The following DNAJB6 variants were observed in gnomAD, a reference collection of about 807,000 sequenced individuals.
DNAJB6 encodes dnaJ homolog subfamily B member 6.
Under a neutral mutation model 42.7 loss-of-function variants are expected in DNAJB6, and 16 were observed. That is an observed-to-expected ratio of 0.37 (90% CI 0.25 to 0.57). DNAJB6 has a LOEUF of 0.57. Among genes scored for constraint, DNAJB6 ranks in the 20% least tolerant of loss-of-function variants. The probability of loss-of-function intolerance (pLI) is 0.74; values close to 1 mark genes in which losing one functional copy is unlikely to be tolerated. For missense variants in DNAJB6, 347 were observed against 416.8 expected, an observed-to-expected ratio of 0.83 and a Z score of 1.46; for synonymous variants, 170 against 163.5, an observed-to-expected ratio of 1.04 and a Z score of -0.30.
intron 1 of DNAJB6, among the ~76,000 whole-genome samples, chr7:157,340,798 A>G (rs1798321641): frequency 6.6e-6 from 1 of 151,866 alleles, no homozygotes; most frequent in South Asian, 2.1e-4. Flanking sequence ...CCTGCCAGGT[A>G]GCTGGGATGA....
intron 8 of DNAJB6, among the ~76,000 whole-genome samples, chr7:157,396,243 C>T (rs1203483006): frequency 6.6e-6 from 1 of 152,222 alleles, no homozygotes; most frequent in Non-Finnish European, 1.5e-5. Flanking sequence ...GCCACTGTGC[C>T]TGGCCCCATG....
chr7:157,340,066 C>G (rs1485964762), intron 1 of DNAJB6: 1 of 152,204 alleles, frequency 6.6e-6, no homozygotes, highest in Non-Finnish European at 1.5e-5. Flanking sequence ...AGGTCAGCTT[C>G]TATATTGGTT....
intron 1 of DNAJB6, among the ~76,000 whole-genome samples, chr7:157,344,828 G>C (rs1244076461): frequency 6.6e-6 from 1 of 152,060 alleles, no homozygotes. Flanking sequence ...ACTCAGCGTG[G>C]TCTTGAACTC....
rs1239584058 is a variant in DNAJB6 at position 157,371,457 on chromosome 7, G to A, written c.346+3974G>A. Reference sequence around the variant, plus strand: ...GGTCTGTGCCTGAGCACCAGGCAGTGCTCACTGTCACACTGTGGCCAAGGA... The same window carrying A: ...GGTCTGTGCCTGAGCACCAGGCAGTACTCACTGTCACACTGTGGCCAAGGA... On this transcript the variant is annotated intron_variant, in intron 5 of 9. Transcript: ENST00000262177. Among the ~76,000 whole-genome samples, 5 of 152,252 alleles carry A rather than the reference G, an allele frequency of 3.3e-5. 1 individual carries two copies. The highest frequency in any genetic ancestry group is 7.3e-5 in the Non-Finnish European group (5 of 68,048).
intron 1 of DNAJB6, among the ~76,000 whole-genome samples, chr7:157,340,998 G>GTGTGTGTGTGCGCGCGCGCGCGCT (rs67210462): frequency 1.5e-5 from 2 of 134,960 alleles, no homozygotes; most frequent in Non-Finnish European, 3.1e-5. Context: ...GTGTGTGTGT[G>GTGTGTGTGTGCGCGCGCGCGCGCT]CGCGCGCGCA....
intron 9 of DNAJB6, chr7:157,410,971 G>A (rs980057324): frequency 6.6e-6 from 1 of 151,974 alleles, no homozygotes. Flanking sequence ...AGGACGGAAG[G>A]TGCACCCCCA....
rs6977438 is a variant in DNAJB6 at position 157,410,240 on chromosome 7, C to T, written c.898+239C>T. The T allele has an allele frequency of 0.048, 44,942 of 929,512 alleles. 4,411 individuals carry two copies. Among genetic ancestry groups the T allele is most frequent in the African/African-American group, 0.37 (21,206 of 57,376 alleles). 57.6% of individuals were successfully genotyped at this position (929,512 alleles called of 1,614,324 possible). A position where few individuals can be genotyped will look rare whatever the true frequency, so the allele number is the denominator to read the frequency against. On this transcript the variant is annotated intron_variant, in intron 9 of 9. Coordinates refer to ENST00000262177, the MANE Select transcript of DNAJB6 (RefSeq NM_058246.4). ...CGGGGTCCGCGTGTCCTGTACGCAG[C>T]GTGTTGCTCCGCAAAGGATGACAGA...
chr7:157,380,093 T>G (rs1389901928), intron 5 of DNAJB6: 1 of 152,190 alleles, frequency 6.6e-6, no homozygotes, highest in South Asian at 2.1e-4. Context: ...GGATTATAGC[T>G]GTGAGCCACT....
At chr7:157,406,536 G>A (rs762498609) in intron 8 of DNAJB6, among the ~76,000 whole-genome samples, 8 of 152,350 alleles carry the variant, frequency 5.3e-5, no homozygotes, top group East Asian at 1.9e-4. Flanking sequence ...GAGGCTTCTG[G>A]GTGTTGCCGG....
intron 5 of DNAJB6, among the ~76,000 whole-genome samples, chr7:157,371,640 A>C (rs752583980): frequency 1.4e-4 from 22 of 152,248 alleles, no homozygotes; most frequent in Non-Finnish European, 2.6e-4. Context: ...TGACTGTCGA[A>C]ATTTCCAGAA....
intron 1 of DNAJB6, among the ~76,000 whole-genome samples, chr7:157,343,063 C>T (rs1395882216): frequency 6.6e-6 from 1 of 151,666 alleles, no homozygotes; most frequent in African/African-American, 2.4e-5. Context: ...GTGATCTTGG[C>T]TCACTGCAAC....
chr7:157,363,427 C>T (rs1247511068), intron 3 of DNAJB6, among the ~76,000 whole-genome samples, 157 bp downstream of exon 3: 7 of 152,274 alleles, frequency 4.6e-5, no homozygotes, highest in African/African-American at 1.4e-4. Context: ...TTACTTTTCT[C>T]GTGAAGATTT....
At chr7:157,340,533 G>T (rs1159699293) in intron 1 of DNAJB6, among the ~76,000 whole-genome samples, 1 of 146,762 alleles carries the variant, frequency 6.8e-6, no homozygotes, top group African/African-American at 2.6e-5. Flanking sequence ...GTAAAAATGT[G>T]ATTTTTTTTT....
chr7:157,371,086 A>G (rs956449116), intron 5 of DNAJB6, among the ~76,000 whole-genome samples: 3 of 152,130 alleles, frequency 2.0e-5, no homozygotes, highest in Non-Finnish European at 2.9e-5. Flanking sequence ...CACAAACCCT[A>G]TTGTGAACTG....
chr7:157,391,852 A>C (rs2117123987), intron 8 of DNAJB6, among the ~76,000 whole-genome samples: 1 of 152,310 alleles, frequency 6.6e-6, no homozygotes, highest in South Asian at 2.1e-4. Flanking sequence ...CTGTAATCCC[A>C]GTGCTCTGGG....
intron 5 of DNAJB6, among the ~76,000 whole-genome samples, chr7:157,374,064 C>CTG (rs1800350513): frequency 6.6e-6 from 1 of 152,168 alleles, no homozygotes; most frequent in Non-Finnish European, 1.5e-5. Flanking sequence ...ATGTACGAGA[C>CTG]TGGTTTCCAG....
Position 157,366,489 on chromosome 7 carries a change from T to C in DNAJB6, c.176-13T>C, listed in dbSNP as rs1488322395. On this transcript the variant is annotated splice_polypyrimidine_tract_variant and intron_variant, in intron 3 of 9. Coordinates refer to ENST00000262177, the MANE Select transcript of DNAJB6 (RefSeq NM_058246.4). Reference sequence around the variant, plus strand: ...AGGAACTTGGCCTTACCGACTTTTCTTTCAATTTTTAGCTAAGAAACGGGA... The same window carrying C: ...AGGAACTTGGCCTTACCGACTTTTCCTTCAATTTTTAGCTAAGAAACGGGA... The C allele has an allele frequency of 6.2e-7, 1 of 1,613,794 alleles. No homozygotes were observed. The highest frequency in any genetic ancestry group is 1.3e-5 in the African/African-American group (1 of 75,042).
intron 1 of DNAJB6, among the ~76,000 whole-genome samples, chr7:157,348,340 C>T (rs963422578): frequency 6.6e-5 from 10 of 151,762 alleles, no homozygotes; most frequent in African/African-American, 2.2e-4. Context: ...GTGATCCACC[C>T]GTCTTGGCCT....
intron 5 of DNAJB6, chr7:157,379,510 C>T (rs919076207): frequency 6.6e-6 from 1 of 152,230 alleles, no homozygotes; most frequent in African/African-American, 2.4e-5. Flanking sequence ...CACTGTCACA[C>T]TCTTACCCAG....
Sources: allele counts gnomAD v4.1 joint callset (sites outside exome capture counted in the v4.1 genomes callset), GRCh38; gene constraint gnomAD v4.1.1; transcripts MANE v1.5; gene names NCBI Gene and HGNC (gene_info 2026-07-23, HGNC 2026-07-21).